Variants in PDZD2 observed in about 807,000 individuals in gnomAD.
The protein encoded by PDZD2 is PDZ domain containing 2.
A neutral mutation model predicts 220.7 loss-of-function variants in PDZD2; 90 were observed. The observed-to-expected ratio is 0.41, with a 90% confidence interval of 0.34 to 0.49. PDZD2 has a LOEUF of 0.49. PDZD2 is among the 20% of genes least tolerant of loss of function. PDZD2 has a pLI of 0.28. For missense variants in PDZD2, 3,174 were observed against 3,608.5 expected (o/e 0.88, Z 3.08); for synonymous variants, 1,375 against 1,450.5 (o/e 0.95, Z 1.18).
chr5:32,043,371 A>C (rs1021344256), intron 7 of PDZD2, among the ~76,000 whole-genome samples: 3 of 152,242 alleles, frequency 2.0e-5, no homozygotes, highest in Admixed American at 6.5e-5. Flanking sequence ...CCAGCAGAAC[A>C]GGGTCGGTTC....
At chr5:31,778,586 C>T (rs1303915133) in intron 1 of PDZD2, among the ~76,000 whole-genome samples, 1 of 152,118 alleles carries the variant, frequency 6.6e-6, no homozygotes, top group African/African-American at 2.4e-5. Context: ...CTGAAGCCAG[C>T]GAGACCATGA....
chr5:32,048,696 G>T lies in PDZD2; in HGVS notation c.1665+12G>T. 6.2e-7 allele frequency: 1 copy of T among 1,613,594 alleles called. No homozygotes were observed. Among genetic ancestry groups the T allele is most frequent in the Non-Finnish European group, 8.5e-7 (1 of 1,179,626 alleles). ...CCAGTGCCTCACAGGTCCGACCAGGGCTGTGGATCTTTTCAAAGACCATAA... is the reference window on the plus strand; with the variant it reads ...CCAGTGCCTCACAGGTCCGACCAGGTCTGTGGATCTTTTCAAAGACCATAA... On this transcript the variant is annotated intron_variant, in intron 8 of 24. Transcript: ENST00000438447.
rs537954736 is a variant in PDZD2 at position 31,832,203 on chromosome 5, G to C, written c.476+32479G>C. ...CCTGGCGTGATTCCATTTATGTAAGGGTCCTAGAATAGTCAAATTCATAGA... is the reference window on the plus strand; with the variant it reads ...CCTGGCGTGATTCCATTTATGTAAGCGTCCTAGAATAGTCAAATTCATAGA... On this transcript the variant is annotated intron_variant, in intron 2 of 24. Transcript: ENST00000438447. Among the ~76,000 whole-genome samples the C allele has an allele frequency of 5.3e-5, 8 of 152,132 alleles. No homozygotes were observed. In the South Asian group the frequency reaches 1.7e-3, roughly 32 times the overall value.
chr5:31,855,142 C>G (rs1054906914), intron 2 of PDZD2: 1 of 982,650 alleles, frequency 1.0e-6, no homozygotes, highest in African/African-American at 1.7e-5. Flanking sequence ...GGAGAGGAAC[C>G]CTCCGAAGGT....
At chr5:31,733,797 A>G (rs1749678553) in intron 1 of PDZD2, among the ~76,000 whole-genome samples, 1 of 152,146 alleles carries the variant, frequency 6.6e-6, no homozygotes, top group Admixed American at 6.5e-5. Flanking sequence ...GTTTTCTCCT[A>G]CTATCCTCTC....
chr5:31,738,920 C>G (rs934982436), intron 1 of PDZD2, among the ~76,000 whole-genome samples: 2 of 150,972 alleles, frequency 1.3e-5, no homozygotes, highest in Non-Finnish European at 2.9e-5. Context: ...CAGTCTTGCT[C>G]TGTCGCTCAG....
At chr5:32,102,566 A>G (rs1057252663) in intron 24 of PDZD2, among the ~76,000 whole-genome samples, 1 of 151,860 alleles carries the variant, frequency 6.6e-6, no homozygotes, top group Admixed American at 6.6e-5. Context: ...TAACTGTTCA[A>G]GTTGACAGAG....
chr5:31,755,804 G>A (rs899941113), intron 1 of PDZD2, among the ~76,000 whole-genome samples: 1 of 152,136 alleles, frequency 6.6e-6, no homozygotes, highest in East Asian at 1.9e-4. Flanking sequence ...GCTGATGAAC[G>A]TGGCCTGGCT....
At chr5:32,094,136 A>G (rs1561582284) in intron 21 of PDZD2, among the ~76,000 whole-genome samples, 1 of 151,320 alleles carries the variant, frequency 6.6e-6, no homozygotes, top group Non-Finnish European at 1.5e-5. Flanking sequence ...GGCTGAAGAA[A>G]CCCTGAGTGT....
chr5:31,754,434 T>C, intron 1 of PDZD2: 1 of 152,130 alleles, frequency 6.6e-6, no homozygotes, highest in East Asian at 1.9e-4. Flanking sequence ...CCTTCACCTT[T>C]GGGTCTCCCC....
intron 2 of PDZD2, among the ~76,000 whole-genome samples, chr5:31,880,354 G>A (rs1449352327): frequency 6.6e-6 from 1 of 152,122 alleles, no homozygotes; most frequent in Non-Finnish European, 1.5e-5. Flanking sequence ...AAATCCTTGA[G>A]GGCATATCAA....
intron 1 of PDZD2, among the ~76,000 whole-genome samples, chr5:31,793,299 G>C (rs2150222923): frequency 6.6e-6 from 1 of 152,200 alleles, no homozygotes; most frequent in East Asian, 1.9e-4. Flanking sequence ...GAAGCTCCTA[G>C]CAGAGTGGGG....
In PDZD2 at chr5:31,799,260, C is replaced by T. The variant is rs1754238274; in HGVS notation, c.12C>T (p.Thr4=). MPI[T]QDNAVLHLPL... ...TGGGAGTGAGCACCATGCCCATCAC[C>T]CAGGACAATGCCGTGCTGCACCTGC... Residue 4 remains threonine (T), a synonymous_variant, in exon 2 of 25, where the codon ACC becomes ACT. Transcript: ENST00000438447. 1 of 1,599,884 alleles carries T rather than the reference C, an allele frequency of 6.3e-7. No individual in the cohort carries two copies. Among genetic ancestry groups the T allele is most frequent in the Non-Finnish European group, 8.5e-7 (1 of 1,171,882 alleles).
At chr5:32,081,150 T>C (rs540807682) in intron 19 of PDZD2, among the ~76,000 whole-genome samples, 14 of 152,138 alleles carry the variant, frequency 9.2e-5, no homozygotes, top group African/African-American at 1.4e-4. Context: ...TCTTGTGTTA[T>C]AGTGTAGAGA....
intron 2 of PDZD2, among the ~76,000 whole-genome samples, chr5:31,843,000 G>A (rs535014309): frequency 6.6e-6 from 1 of 151,876 alleles, no homozygotes; most frequent in East Asian, 2.0e-4. Flanking sequence ...TCCTGTCTCA[G>A]CCTCCCGAGT....
intron 2 of PDZD2, among the ~76,000 whole-genome samples, chr5:31,918,984 G>A (rs1743927741): frequency 6.6e-6 from 1 of 152,214 alleles, no homozygotes; most frequent in Non-Finnish European, 1.5e-5. Flanking sequence ...GCTGTGCACT[G>A]AGCTCTCTGT....
intron 2 of PDZD2, among the ~76,000 whole-genome samples, chr5:31,885,343 G>A (rs1314212168): frequency 6.6e-6 from 1 of 151,848 alleles, no homozygotes; most frequent in Non-Finnish European, 1.5e-5. Context: ...GGTAGAGTTC[G>A]GGTCTTTGTA....
intron 24 of PDZD2, among the ~76,000 whole-genome samples, chr5:32,105,375 C>T (rs116423956): frequency 0.025 from 3,734 of 152,216 alleles, 157 homozygotes; most frequent in African/African-American, 0.085. Context: ...TAAAAAATCT[C>T]ATACTATGAT....
chr5:31,875,595 A>ATATATATATATATATATTTT (rs201533314), intron 2 of PDZD2, among the ~76,000 whole-genome samples: 1 of 145,128 alleles, frequency 6.9e-6, no homozygotes, highest in African/African-American at 2.5e-5. Flanking sequence ...AAAAAAAAAA[A>ATATATATATATATATATTTT]AAATATATAT....
Sources: allele counts gnomAD v4.1 joint callset (sites outside exome capture counted in the v4.1 genomes callset), GRCh38; gene constraint gnomAD v4.1.1; transcripts MANE v1.5; gene names NCBI Gene and HGNC (gene_info 2026-07-23, HGNC 2026-07-21).